The following PGM2L1 variants were observed in gnomAD, a reference collection of about 807,000 sequenced individuals.
PGM2L1 encodes the protein glucose 1,6-bisphosphate synthase.
In PGM2L1, 35 loss-of-function variants were observed where a neutral mutation model predicts 73.4. The observed-to-expected ratio is 0.48, with a 90% CI of 0.36 to 0.63. PGM2L1 has a LOEUF of 0.63. PGM2L1 is among the 30% of genes least tolerant of loss of function. The probability of loss-of-function intolerance (pLI) is 0.00; values close to 1 mark genes in which losing one functional copy is unlikely to be tolerated. For missense variants in PGM2L1, 570 were observed against 742.0 expected (o/e 0.77, Z 2.69); for synonymous variants, 225 against 253.8 (o/e 0.89, Z 1.08).
chr11:74,342,704 G>T (rs1862201835), intron 11 of PGM2L1, 54 bp from the exon 12 acceptor site: 2 of 1,427,392 alleles, frequency 1.4e-6, no homozygotes, highest in South Asian at 1.5e-5. Context: ...CTTTAAAAAA[G>T]CATATATTAA....
chr11:74,342,338 T>C, intron 12 of PGM2L1, 123 bp downstream of exon 12: 1 of 761,114 alleles, frequency 1.3e-6, no homozygotes, highest in East Asian at 3.1e-5. Flanking sequence ...ACCTTTATAA[T>C]AAACTGGTAA....
intron 1 of PGM2L1, among the ~76,000 whole-genome samples, chr11:74,375,007 T>TGTGCC (rs1341967574): frequency 6.6e-6 from 1 of 152,120 alleles, no homozygotes; most frequent in Non-Finnish European, 1.5e-5. Flanking sequence ...ACTACAGGTA[T>TGTGCC]GTGCCACTAC....
intron 7 of PGM2L1, 144 bp downstream of exon 7, chr11:74,347,004 A>C: frequency 1.1e-6 from 1 of 949,678 alleles, no homozygotes; most frequent in Non-Finnish European, 1.5e-6. Context: ...CAAACAAAAC[A>C]CAGCCTATTA....
rs927513437 is a variant in PGM2L1, at chr11:74,336,812, T to C, written c.1767-58A>G. 20 of 1,196,304 alleles carry C rather than the reference T, an allele frequency of 1.7e-5. No individual in the cohort carries two copies. The African/African-American group carries it at 3.0e-4, about 18-fold the overall frequency. The allele number at this position is 1,196,304 out of a possible 1,614,324, so 74.1% of individuals were successfully genotyped here. Reference sequence around the variant, plus strand: ...TATTTTCATAGGCTTAAAATTTATTTAAATTAGTGTGATTTTTTAAGAGGT... The same window carrying C: ...TATTTTCATAGGCTTAAAATTTATTCAAATTAGTGTGATTTTTTAAGAGGT... On this transcript the variant is annotated intron_variant, in intron 13 of 13. Transcript: ENST00000298198.
At chr11:74,348,189 C>T (rs2134892528) in intron 6 of PGM2L1, among the ~76,000 whole-genome samples, 1 of 152,270 alleles carries the variant, frequency 6.6e-6, no homozygotes, top group South Asian at 2.1e-4. Flanking sequence ...AACTTTAGTA[C>T]ATGGATAATT....
chr11:74,363,379 T>A (rs1862597432), intron 5 of PGM2L1, among the ~76,000 whole-genome samples: 1 of 151,470 alleles, frequency 6.6e-6, no homozygotes, highest in South Asian at 2.1e-4. Context: ...AGGCAAGAAA[T>A]AACTAAGATC....
At chr11:74,396,968 C>T (rs1190984316) in intron 1 of PGM2L1, among the ~76,000 whole-genome samples, 2 of 152,176 alleles carry the variant, frequency 1.3e-5, no homozygotes, top group African/African-American at 4.8e-5. Context: ...TTCTATTTTC[C>T]TCACAAGTAT....
chr11:74,372,117 A>C (rs780343454), intron 2 of PGM2L1, among the ~76,000 whole-genome samples: 11 of 123,622 alleles, frequency 8.9e-5, no homozygotes, highest in Non-Finnish European at 1.7e-4. Context: ...AAGAAACATG[A>C]GCGTCAATAA....
intron 4 of PGM2L1, among the ~76,000 whole-genome samples, chr11:74,370,013 C>A (rs895481594): frequency 5.3e-5 from 8 of 152,124 alleles, no homozygotes; most frequent in African/African-American, 1.9e-4. Flanking sequence ...TCCCAAAGTG[C>A]TGGGATTACA....
At chr11:74,354,260 C>T (rs1177878025) in intron 5 of PGM2L1, among the ~76,000 whole-genome samples, 2 of 152,210 alleles carry the variant, frequency 1.3e-5, no homozygotes, top group East Asian at 3.9e-4. Flanking sequence ...ACTTAATCTG[C>T]ACCAGAAAGC....
rs183796368 is a variant in PGM2L1 at position 74,361,920 on chromosome 11, G to C, written c.555+6572C>G. ...ATGTGACAAGACCAAATCTACATCT[G>C]ATTGGTATACCTGAAAGTGACAGGG... On this transcript the variant is annotated intron_variant, in intron 5 of 13. Coordinates refer to ENST00000298198, the MANE Select transcript of PGM2L1 (RefSeq NM_173582.6). Among the ~76,000 whole-genome samples, 674 of 152,334 alleles carry C rather than the reference G, an allele frequency of 4.4e-3. 4 individuals carry two copies. The highest frequency in any genetic ancestry group is 0.01 in the Admixed American group (154 of 15,306).
intron 5 of PGM2L1, chr11:74,354,838 A>C (rs1862418030): frequency 1.1e-6 from 1 of 883,188 alleles, no homozygotes; most frequent in Non-Finnish European, 1.9e-6. Flanking sequence ...GAAAAAAATG[A>C]AGCGACTGTA....
intron 5 of PGM2L1, among the ~76,000 whole-genome samples, chr11:74,358,709 C>T (rs960954728): frequency 1.8e-4 from 27 of 152,002 alleles, no homozygotes; most frequent in African/African-American, 5.3e-4. Flanking sequence ...GCCAACATGG[C>T]GAAATCCTGT....
chr11:74,351,917 G>A (rs1471292799), intron 5 of PGM2L1, among the ~76,000 whole-genome samples: 3 of 150,268 alleles, frequency 2.0e-5, no homozygotes, highest in African/African-American at 7.3e-5. Context: ...AGCTGAGATA[G>A]CGCCACCACA....
chr11:74,342,690 A>T, intron 11 of PGM2L1, 40 bp from the exon 12 acceptor site: 1 of 1,457,916 alleles, frequency 6.9e-7, no homozygotes, highest in Non-Finnish European at 9.2e-7. Flanking sequence ...GATTTCAGAT[A>T]ACTCTTTAAA....
intron 5 of PGM2L1, among the ~76,000 whole-genome samples, chr11:74,363,122 C>G (rs1356204530): frequency 6.6e-6 from 1 of 152,176 alleles, no homozygotes; most frequent in Non-Finnish European, 1.5e-5. Context: ...ACTGAACAAC[C>G]TGCTCCTGAA....
At chr11:74,368,169 T>G (rs896482284) in intron 5 of PGM2L1, among the ~76,000 whole-genome samples, 1 of 152,172 alleles carries the variant, frequency 6.6e-6, no homozygotes, top group Non-Finnish European at 1.5e-5. Context: ...GTTCTGTTGT[T>G]GAAAACTCCG....
At chr11:74,363,766 C>T (rs960548882) in intron 5 of PGM2L1, among the ~76,000 whole-genome samples, 5 of 152,122 alleles carry the variant, frequency 3.3e-5, no homozygotes, top group African/African-American at 4.8e-5. Context: ...GATTCACAGC[C>T]GAATTCTATT....
intron 12 of PGM2L1, among the ~76,000 whole-genome samples, chr11:74,341,901 G>A (rs1408398128): frequency 1.3e-5 from 2 of 152,090 alleles, no homozygotes; most frequent in South Asian, 2.1e-4. Context: ...GTTCCTCCAC[G>A]TTTAAACCAC....
Sources: gnomAD v4.1 joint callset for allele counts (sites outside exome capture counted in the v4.1 genomes callset) on GRCh38, gnomAD v4.1.1 for gene constraint, MANE v1.5 for transcripts, NCBI Gene and HGNC (gene_info 2026-07-23, HGNC 2026-07-21) for gene names.